Variants in TNFSF4 observed in about 807,000 individuals in gnomAD.
TNFSF4 encodes tumor necrosis factor ligand superfamily member 4.
TNFSF4 carries 4 observed loss-of-function variants against 7.3 expected under a neutral mutation model. The observed-to-expected ratio is 0.55, with a 90% CI of 0.27 to 1.25. TNFSF4 has a LOEUF of 1.25. Among genes scored for constraint, TNFSF4 ranks in the 50% most tolerant of loss-of-function variants. The probability of loss-of-function intolerance (pLI) is 0.12; values close to 1 mark genes in which losing one functional copy is unlikely to be tolerated. For missense variants in TNFSF4, 181 were observed against 208.8 expected (o/e 0.87, Z 0.82); for synonymous variants, 76 against 83.7 (o/e 0.91, Z 0.50).
At chr1:173,252,950 T>C in the TNFSF4 span, among the ~76,000 whole-genome samples, 2 of 152,208 alleles carry the variant, frequency 1.3e-5, no homozygotes, top group Non-Finnish European at 2.9e-5. Flanking sequence ...CTTACATGCC[T>C]CCCTTCCATG....
the TNFSF4 span, among the ~76,000 whole-genome samples, chr1:173,432,928 T>C: frequency 6.6e-6 from 1 of 152,216 alleles, no homozygotes; most frequent in Non-Finnish European, 1.5e-5. Flanking sequence ...TTATGCTCCA[T>C]GTATTGTAAG....
chr1:173,330,807 C>T, the TNFSF4 span, among the ~76,000 whole-genome samples: 6 of 151,842 alleles, frequency 4.0e-5, no homozygotes, highest in African/African-American at 1.5e-4. Context: ...ATTCTTACCC[C>T]TATTTAGCAA....
chr1:173,186,865 T>G lies in TNFSF4; in HGVS notation c.203A>C (p.Glu68Ala). The G allele has an allele frequency of 6.4e-7, 1 of 1,574,688 alleles. No homozygotes were observed. The highest frequency in any genetic ancestry group is 8.6e-7 in the Non-Finnish European group (1 of 1,160,014). ...RIQSIKVQFTEYKKEKGFILT... is the reference protein window; with the variant it reads ...RIQSIKVQFTAYKKEKGFILT... ...GATGAAACCTTTCTCCTTCTTATAT[T>G]CTAGGGAGGATAGGGGAAAATTTGT... Residue 68 changes from glutamate (E) to alanine (A), a missense_variant and splice_region_variant, in exon 3 of 3, where the codon GAA becomes GCA. By Grantham distance (107) the Glu-to-Ala change is moderately radical. Coordinates refer to ENST00000281834, the MANE Select transcript of TNFSF4 (RefSeq NM_003326.5).
the TNFSF4 span, among the ~76,000 whole-genome samples, chr1:173,240,753 G>C: frequency 6.6e-6 from 1 of 152,120 alleles, no homozygotes; most frequent in Non-Finnish European, 1.5e-5. Flanking sequence ...AATTATGTCA[G>C]GGTGCACTGC....
chr1:173,358,905 A>G, the TNFSF4 span, among the ~76,000 whole-genome samples: 1 of 152,248 alleles, frequency 6.6e-6, no homozygotes, highest in Admixed American at 6.5e-5. Context: ...TTTGATGGAT[A>G]GTAACTAGGA....
chr1:173,416,716 C>A, the TNFSF4 span, among the ~76,000 whole-genome samples: 1 of 151,562 alleles, frequency 6.6e-6, no homozygotes, highest in African/African-American at 2.4e-5. Context: ...GCAACCTCAG[C>A]CTCCTGAATT....
the TNFSF4 span, among the ~76,000 whole-genome samples, chr1:173,229,643 G>A: frequency 1.3e-5 from 2 of 152,114 alleles, no homozygotes; most frequent in Non-Finnish European, 2.9e-5. Flanking sequence ...CTGGCAAATT[G>A]GATAAAGAGT....
chr1:173,280,700 A>C, the TNFSF4 span, among the ~76,000 whole-genome samples: 1 of 152,278 alleles, frequency 6.6e-6, no homozygotes, highest in Admixed American at 6.5e-5. Context: ...AAAGCAAATA[A>C]TATAATGCAA....
At chr1:173,399,438 G>A in the TNFSF4 span, among the ~76,000 whole-genome samples, 4 of 152,106 alleles carry the variant, frequency 2.6e-5, no homozygotes, top group Admixed American at 2.6e-4. Flanking sequence ...AATGCAACTC[G>A]CTGTCCACTT....
chr1:173,215,187 C>T, the TNFSF4 span, among the ~76,000 whole-genome samples: 4 of 152,156 alleles, frequency 2.6e-5, no homozygotes, highest in African/African-American at 9.6e-5. Context: ...AGAAGGTGGC[C>T]GTCTGCAAGC....
At chr1:173,419,560 G>A in the TNFSF4 span, among the ~76,000 whole-genome samples, 1 of 152,002 alleles carries the variant, frequency 6.6e-6, no homozygotes, top group Non-Finnish European at 1.5e-5. Context: ...TTACAGCAAT[G>A]GACTAAGACA....
the TNFSF4 span, among the ~76,000 whole-genome samples, chr1:173,432,881 A>G: frequency 6.6e-6 from 1 of 152,256 alleles, no homozygotes; most frequent in Non-Finnish European, 1.5e-5. Flanking sequence ...ATAAGGCATT[A>G]CTGTATTTGC....
At chr1:173,320,496 A>G in the TNFSF4 span, among the ~76,000 whole-genome samples, 1 of 152,104 alleles carries the variant, frequency 6.6e-6, no homozygotes, top group African/African-American at 2.4e-5. Flanking sequence ...GGCGGGAAAA[A>G]GAAATAAAGG....
the TNFSF4 span, among the ~76,000 whole-genome samples, chr1:173,365,091 A>G: frequency 1.0e-4 from 13 of 126,912 alleles, no homozygotes; most frequent in African/African-American, 4.0e-4. Flanking sequence ...TGTCACAGGG[A>G]AAAAAAAAAA....
the TNFSF4 span, among the ~76,000 whole-genome samples, chr1:173,308,968 C>A: frequency 6.6e-6 from 1 of 151,874 alleles, no homozygotes; most frequent in Non-Finnish European, 1.5e-5. Context: ...GTGACTGAGG[C>A]AATTGCCAAG....
the TNFSF4 span, among the ~76,000 whole-genome samples, chr1:173,318,486 G>A: frequency 6.6e-6 from 1 of 152,134 alleles, no homozygotes; most frequent in Non-Finnish European, 1.5e-5. Flanking sequence ...GCATTCTTAA[G>A]GTCAAGGGAA....
chr1:173,248,121 C>T, the TNFSF4 span, among the ~76,000 whole-genome samples: 240 of 152,026 alleles, frequency 1.6e-3, 1 homozygote, highest in African/African-American at 5.5e-3. Context: ...TTTGGGAGGC[C>T]GAGGCATGTG....
the TNFSF4 span, among the ~76,000 whole-genome samples, chr1:173,282,642 A>G: frequency 1.3e-5 from 2 of 152,082 alleles, no homozygotes; most frequent in Non-Finnish European, 2.9e-5. Context: ...TATTTTTAAT[A>G]GAGATGGGGT....
intron 1 of TNFSF4, among the ~76,000 whole-genome samples, chr1:173,198,657 C>T (rs895324279): frequency 2.0e-5 from 3 of 152,144 alleles, no homozygotes; most frequent in Admixed American, 1.3e-4. Flanking sequence ...CTGTACTATG[C>T]TTATTACCCC....
Sources: allele counts gnomAD v4.1 joint callset (sites outside exome capture counted in the v4.1 genomes callset), GRCh38; gene constraint gnomAD v4.1.1; transcripts MANE v1.5; gene names NCBI Gene and HGNC (gene_info 2026-07-23, HGNC 2026-07-21).